The following EIF2AK4 variants were observed in gnomAD, a reference collection of about 807,000 sequenced individuals.
The protein encoded by EIF2AK4 is eukaryotic translation initiation factor 2 alpha kinase 4.
Under a neutral mutation model 211.1 loss-of-function variants are expected in EIF2AK4, and 139 were observed. That is an observed-to-expected ratio of 0.66 (90% CI 0.57 to 0.76). EIF2AK4 has a LOEUF of 0.76. Among genes scored for constraint, EIF2AK4 ranks in the 30% least tolerant of loss-of-function variants. The pLI is 0.00. For missense variants in EIF2AK4, 1,664 were observed against 2,043.8 expected, an observed-to-expected ratio of 0.81 and a Z score of 3.58; for synonymous variants, 710 against 751.3, an observed-to-expected ratio of 0.94 and a Z score of 0.90.
chr15:40,021,101 A>T (rs1418027900), intron 31 of EIF2AK4, 74 bp downstream of exon 31: 3 of 1,496,868 alleles, frequency 2.0e-6, no homozygotes, highest in Admixed American at 3.9e-5. Flanking sequence ...CTCTGCACCT[A>T]TAGACTGTCA....
At chr15:40,017,535 A>ATG (rs2035323667) in intron 29 of EIF2AK4, among the ~76,000 whole-genome samples, 1 of 44,528 alleles carries the variant, frequency 2.2e-5, no homozygotes, top group African/African-American at 7.4e-5. Flanking sequence ...ATATATATAT[A>ATG]TATATATATA....
chr15:40,032,386 T>G, intron 36 of EIF2AK4, 149 bp downstream of exon 36: 1 of 664,500 alleles, frequency 1.5e-6, no homozygotes, highest in Middle Eastern at 2.5e-4. Context: ...TTAAAACTAT[T>G]AAGAACTAGG....
Position 40,009,605 on chromosome 15 carries a change from A to G in EIF2AK4, c.3577-9A>G, listed in dbSNP as rs537875339. ...ATAATGAAAATAGTAATTTTTCTCCATATCCCAGGAAAGAAATTACAGTAT... is the reference window on the plus strand; with the variant it reads ...ATAATGAAAATAGTAATTTTTCTCCGTATCCCAGGAAAGAAATTACAGTAT... On this transcript the variant is annotated splice_polypyrimidine_tract_variant and intron_variant, in intron 25 of 38. Coordinates refer to ENST00000263791, the MANE Select transcript of EIF2AK4 (RefSeq NM_001013703.4). 41 of 1,534,812 alleles carry G rather than the reference A, an allele frequency of 2.7e-5. No individual in the cohort carries two copies. In the South Asian group the frequency reaches 4.0e-4, roughly 15 times the overall value.
chr15:39,938,886 C>T (rs2034104953), intron 1 of EIF2AK4, among the ~76,000 whole-genome samples: 1 of 152,180 alleles, frequency 6.6e-6, no homozygotes, highest in Admixed American at 6.5e-5. Context: ...ACTTCAAATC[C>T]ACTTTGGAAA....
intron 2 of EIF2AK4, 57 bp from the exon 3 acceptor site, chr15:39,943,326 A>T (rs1386630259): frequency 7.3e-7 from 1 of 1,366,018 alleles, no homozygotes; most frequent in Admixed American, 2.6e-5. Context: ...ATTAATGCAA[A>T]CAGGCTATAC....
In EIF2AK4 at chr15:39,967,479, G is replaced by A. The variant is rs2034560254; in HGVS notation, c.1153G>A (p.Val385Ile). Reference protein sequence around the residue: ...VDILVEHISGVSLAAHLSHSG... With the variant: ...VDILVEHISGISLAAHLSHSG... ...CATTTTAGTGGAGCACATTAGTGGG[G>A]TCTCTCTTGCTGCACACCTGAGCCA... Residue 385 changes from valine to isoleucine, a missense_variant, in exon 9 of 39, where the codon GTC (valine) becomes ATC (isoleucine). Coordinates refer to ENST00000263791, the MANE Select transcript of EIF2AK4 (RefSeq NM_001013703.4). The A allele has an allele frequency of 6.2e-7, 1 of 1,613,952 alleles. No individual in the cohort carries two copies. Among genetic ancestry groups the A allele is most frequent in the South Asian group, 1.1e-5 (1 of 91,084 alleles).
intron 32 of EIF2AK4, among the ~76,000 whole-genome samples, 175 bp downstream of exon 32, chr15:40,022,780 C>T (rs1036261268): frequency 1.3e-5 from 2 of 152,012 alleles, no homozygotes; most frequent in African/African-American, 4.8e-5. Flanking sequence ...GTCTCCCAGG[C>T]TGGAGTGCAA....
intron 32 of EIF2AK4, 89 bp from the exon 33 acceptor site, chr15:40,025,888 A>G: frequency 5.6e-6 from 7 of 1,250,634 alleles, no homozygotes; most frequent in East Asian, 2.5e-5. Flanking sequence ...GACCCAAACT[A>G]TTGATTTAGT....
intron 18 of EIF2AK4, among the ~76,000 whole-genome samples, chr15:39,994,988 C>T (rs182966246): frequency 3.9e-5 from 6 of 152,164 alleles, no homozygotes; most frequent in African/African-American, 1.4e-4. Context: ...ATTACAGACG[C>T]CTGCCACCAT....
chr15:39,941,859 T>G (rs1449724543), intron 2 of EIF2AK4, among the ~76,000 whole-genome samples: 1 of 152,212 alleles, frequency 6.6e-6, no homozygotes, highest in Non-Finnish European at 1.5e-5. Context: ...AAATCACCCC[T>G]GGTTAAGAAT....
Position 39,955,612 on chromosome 15 carries a change from T to C in EIF2AK4, c.595-8T>C, listed in dbSNP as rs925007974. 6.3e-7 allele frequency: 1 copy of C among 1,597,002 alleles called. No homozygotes were observed. Among genetic ancestry groups the C allele is most frequent in the African/African-American group, 1.4e-5 (1 of 73,870 alleles). On this transcript the variant is annotated splice_region_variant and splice_polypyrimidine_tract_variant and intron_variant, in intron 5 of 38. Transcript: ENST00000263791. ...CATCTAAAGTAAGTTTTACTTTTCT[T>C]GTTCTAGGAACGTTTGGAAATTGCT...
At chr15:39,937,498 A>G (rs1295142216) in intron 1 of EIF2AK4, among the ~76,000 whole-genome samples, 1 of 151,722 alleles carries the variant, frequency 6.6e-6, no homozygotes, top group Non-Finnish European at 1.5e-5. Flanking sequence ...GGGTCATATA[A>G]TGCATATATT....
At chr15:39,943,529 C>T in intron 3 of EIF2AK4, 44 bp downstream of exon 3, 1 of 1,465,326 alleles carries the variant, frequency 6.8e-7, no homozygotes, top group Non-Finnish European at 9.3e-7. Flanking sequence ...AGTAAACTTC[C>T]CCATTACACC....
chr15:39,977,131 T>G (rs1566991951), intron 12 of EIF2AK4: 1 of 331,994 alleles, frequency 3.0e-6, no homozygotes, highest in East Asian at 4.5e-5. Context: ...TTGACCATGT[T>G]TAAAAACAAA....
At chr15:39,939,441 T>G in intron 1 of EIF2AK4, 64 bp from the exon 2 acceptor site, 1 of 944,038 alleles carries the variant, frequency 1.1e-6, no homozygotes, top group South Asian at 2.1e-5. Flanking sequence ...ATGATCATTA[T>G]CTTAATCATT....
chr15:40,016,510 A>G lies in EIF2AK4; in HGVS notation c.3768A>G (p.Arg1256=). Residue 1256 remains arginine (R), a synonymous_variant, in exon 28 of 39, where the codon CGA becomes CGG. Transcript: ENST00000263791. The part of the protein sequence containing the change: ...NLSLSSNSLC[R]LYKFIEQKGD... ...GCCCCTTTGCTTTCCAGCTGTGTCGACTCTACAAGTTTATTGAACAGAAGG... is the reference window on the plus strand; with the variant it reads ...GCCCCTTTGCTTTCCAGCTGTGTCGGCTCTACAAGTTTATTGAACAGAAGG... The G allele has an allele frequency of 6.2e-7, 1 of 1,614,052 alleles. No individual in the cohort carries two copies. Among genetic ancestry groups the G allele is most frequent in the Non-Finnish European group, 8.5e-7 (1 of 1,179,984 alleles).
intron 9 of EIF2AK4, among the ~76,000 whole-genome samples, chr15:39,969,582 A>T (rs892402328): frequency 1.3e-5 from 2 of 152,002 alleles, no homozygotes; most frequent in African/African-American, 2.4e-5. Context: ...GGATGGTCTC[A>T]ATCTCCTGAC....
chr15:39,942,900 G>A (rs1476293072), intron 2 of EIF2AK4, among the ~76,000 whole-genome samples: 6 of 152,202 alleles, frequency 3.9e-5, no homozygotes, highest in African/African-American at 1.4e-4. Context: ...AATGCAGAGC[G>A]CTTGGCCTTG....
chr15:39,976,695 G>A lies in EIF2AK4; in HGVS notation c.2100G>A (p.Ala700=), dbSNP rs762472037. 5 of 1,600,868 alleles carry A rather than the reference G, an allele frequency of 3.1e-6. No homozygotes were observed. Among genetic ancestry groups the A allele is most frequent in the East Asian group, 4.5e-5 (2 of 44,302 alleles). Residue 700 remains alanine (A), a synonymous_variant, in exon 12 of 39, where the codon GCG becomes GCA. Transcript: ENST00000263791. The part of the protein sequence containing the change: ...TDGLDSVEAA[A]PPPILSSSVE... ...GCCTGGACAGCGTAGAGGCCGCCGCGCCGCCACCCATCCTCAGCAGCTCGG... is the reference window on the plus strand; with the variant it reads ...GCCTGGACAGCGTAGAGGCCGCCGCACCGCCACCCATCCTCAGCAGCTCGG...
Sources: gnomAD v4.1 joint callset for allele counts (sites outside exome capture counted in the v4.1 genomes callset) on GRCh38, gnomAD v4.1.1 for gene constraint, MANE v1.5 for transcripts, NCBI Gene and HGNC (gene_info 2026-07-23, HGNC 2026-07-21) for gene names.